The following METTL21A variants were observed in gnomAD, a reference collection of about 807,000 sequenced individuals.
The protein encoded by METTL21A is protein N-lysine methyltransferase METTL21A.
A neutral mutation model predicts 20.9 loss-of-function variants in METTL21A; 22 were observed. That is an observed-to-expected ratio of 1.05 (90% CI 0.75 to 1.50). The LOEUF (loss-of-function observed/expected upper bound fraction) is 1.50, where lower values mean the gene tolerates loss of function less well. Ranked by LOEUF, METTL21A falls within the 40% of genes most tolerant of loss-of-function variation. The probability of loss-of-function intolerance (pLI) is 0.00; values close to 1 mark genes in which losing one functional copy is unlikely to be tolerated. For missense variants in METTL21A, 271 were observed against 266.8 expected (o/e 1.02, Z -0.11); for synonymous variants, 93 against 102.0 (o/e 0.91, Z 0.53).
chr2:207,621,780 C>T, intron 3 of METTL21A, 26 bp downstream of exon 3: 1 of 1,586,212 alleles, frequency 6.3e-7, no homozygotes, highest in South Asian at 1.1e-5. Flanking sequence ...GTTCTGCTCA[C>T]TAAGGAGTCA....
At chr2:207,591,764 C>A (rs1284910145) in intron 3 of METTL21A, among the ~76,000 whole-genome samples, 2 of 152,064 alleles carry the variant, frequency 1.3e-5, no homozygotes, top group Non-Finnish European at 2.9e-5. Flanking sequence ...TAATATATAT[C>A]CTTCTCCATC....
chr2:207,624,237 A>C, exon 2 of METTL21A: 1 of 1,605,514 alleles, frequency 6.2e-7, no homozygotes, highest in Non-Finnish European at 8.5e-7. Flanking sequence ...ACCGCATCCC[A>C]AACCACCGCT....
chr2:207,585,780 G>C (rs1378734947), intron 3 of METTL21A, among the ~76,000 whole-genome samples: 2 of 152,014 alleles, frequency 1.3e-5, no homozygotes. Flanking sequence ...AAAAACAGTC[G>C]AGCAGAAAGA....
intron 3 of METTL21A, chr2:207,601,051 T>G: frequency 5.2e-6 from 1 of 190,706 alleles, no homozygotes; most frequent in Non-Finnish European, 1.1e-5. Flanking sequence ...CTAATGTATC[T>G]TAAAGTTAAG....
At position 207,623,850 on chromosome 2, in the gene METTL21A, C is replaced by T. The variant is rs553859637; in HGVS notation, c.147+379G>A. Among the ~76,000 whole-genome samples, 4 of 152,224 alleles carry T rather than the reference C, an allele frequency of 2.6e-5. No individual in the cohort carries two copies. The South Asian group carries it at 8.3e-4, about 32-fold the overall frequency. On this transcript the variant is annotated intron_variant, in intron 2 of 3. Transcript: ENST00000406927. Reference sequence around the variant, plus strand: ...CCTGGGCAACAGAACGAGACTATGTCTCAAAAGAAAAAAAGACTAACTCGT... The same window carrying T: ...CCTGGGCAACAGAACGAGACTATGTTTCAAAAGAAAAAAAGACTAACTCGT...
At chr2:207,584,168 C>T (rs1469895314) in intron 3 of METTL21A, among the ~76,000 whole-genome samples, 1 of 152,178 alleles carries the variant, frequency 6.6e-6, no homozygotes, top group East Asian at 1.9e-4. Context: ...GAGTAAATAT[C>T]TAGGAGTAGG....
intron 3 of METTL21A, chr2:207,601,663 A>G (rs866217520): frequency 5.6e-5 from 12 of 213,252 alleles, no homozygotes; most frequent in East Asian, 4.2e-4. Context: ...TTTTAAAGCA[A>G]TTGTCCTCAC....
chr2:207,607,582 T>C (rs13398424), downstream of METTL21A, among the ~76,000 whole-genome samples: 1 of 149,440 alleles, frequency 6.7e-6, no homozygotes, highest in Non-Finnish European at 1.5e-5. Flanking sequence ...GAAGATGGTA[T>C]CCAGGCCATC....
At chr2:207,597,132 C>T in intron 3 of METTL21A, 1 of 1,430,920 alleles carries the variant, frequency 7.0e-7, no homozygotes, top group Non-Finnish European at 9.3e-7. Flanking sequence ...ACAAAATAAA[C>T]ATTTTATTTT....
chr2:207,592,280 G>A (rs185912018), intron 3 of METTL21A, among the ~76,000 whole-genome samples: 124 of 152,082 alleles, frequency 8.2e-4, no homozygotes, highest in African/African-American at 2.9e-3. Context: ...GGTGGCACAC[G>A]CCTGTAGTCC....
intron 3 of METTL21A, among the ~76,000 whole-genome samples, chr2:207,585,955 A>G (rs2083745191): frequency 6.6e-6 from 1 of 151,734 alleles, no homozygotes; most frequent in South Asian, 2.1e-4. Context: ...CCTATTTAAC[A>G]AAATAATCAC....
chr2:207,608,322 C>G (rs2088444827), downstream of METTL21A, among the ~76,000 whole-genome samples: 1 of 152,102 alleles, frequency 6.6e-6, no homozygotes, highest in African/African-American at 2.4e-5. Context: ...ATCTTTGAGT[C>G]TATTTCCCCA....
chr2:207,595,408 A>G (rs1429463212), intron 3 of METTL21A, among the ~76,000 whole-genome samples: 1 of 151,730 alleles, frequency 6.6e-6, no homozygotes, highest in Non-Finnish European at 1.5e-5. Flanking sequence ...AAAGTTCTTT[A>G]TATATTCTAG....
At chr2:207,593,970 C>T (rs1364195205) in intron 3 of METTL21A, among the ~76,000 whole-genome samples, 1 of 152,160 alleles carries the variant, frequency 6.6e-6, no homozygotes, top group Non-Finnish European at 1.5e-5. Context: ...CTGCCTGCCT[C>T]AGCCTCCCAA....
intron 3 of METTL21A, among the ~76,000 whole-genome samples, chr2:207,615,463 C>T (rs1315838876): frequency 1.3e-5 from 2 of 151,892 alleles, no homozygotes; most frequent in Non-Finnish European, 2.9e-5. Flanking sequence ...TTTGGGAGGC[C>T]GAGGCAGGTG....
chr2:207,591,456 T>A (rs1027822923), intron 3 of METTL21A, among the ~76,000 whole-genome samples: 5 of 152,220 alleles, frequency 3.3e-5, no homozygotes, highest in African/African-American at 1.2e-4. Flanking sequence ...AGACAGAATC[T>A]TGCTCTGTTG....
chr2:207,624,868 T>C (rs903576732), intron 1 of METTL21A, 194 bp downstream of exon 1: 1 of 152,226 alleles, frequency 6.6e-6, no homozygotes, highest in African/African-American at 2.4e-5. Context: ...GCTGCTTCGA[T>C]AGTGATAACA....
intron 3 of METTL21A, among the ~76,000 whole-genome samples, chr2:207,614,627 G>A (rs1395351725): frequency 1.3e-5 from 2 of 152,094 alleles, no homozygotes; most frequent in Non-Finnish European, 2.9e-5. Context: ...AGGTTAAAAT[G>A]CTTGTTCTTA....
chr2:207,624,231 C>G, exon 2 of METTL21A: 1 of 1,600,812 alleles, frequency 6.2e-7, no homozygotes, highest in Non-Finnish European at 8.5e-7. Flanking sequence ...TTACTTACCG[C>G]ATCCCAAACC....
Sources: gnomAD v4.1 joint callset for allele counts (sites outside exome capture counted in the v4.1 genomes callset) on GRCh38, gnomAD v4.1.1 for gene constraint, MANE v1.5 for transcripts, NCBI Gene and HGNC (gene_info 2026-07-23, HGNC 2026-07-21) for gene names.